The following KHDRBS3 variants were observed in gnomAD, a reference collection of about 807,000 sequenced individuals.
KHDRBS3 encodes the protein KH domain-containing, RNA-binding, signal transduction-associated protein 3.
Under a neutral mutation model 45.6 loss-of-function variants are expected in KHDRBS3, and 23 were observed. That is an observed-to-expected ratio of 0.50 (90% CI 0.36 to 0.72). The LOEUF is 0.72. Ranked by LOEUF, KHDRBS3 falls within the 30% of genes least tolerant of loss-of-function variation. The pLI, the probability that KHDRBS3 is intolerant of heterozygous loss-of-function variation, is 0.00. For missense variants in KHDRBS3, 352 were observed against 424.8 expected (o/e 0.83, Z 1.51); for synonymous variants, 162 against 156.5 (o/e 1.04, Z -0.26).
At chr8:135,587,284 T>G (rs1828523471) in intron 6 of KHDRBS3, among the ~76,000 whole-genome samples, 1 of 152,212 alleles carries the variant, frequency 6.6e-6, no homozygotes, top group South Asian at 2.1e-4. Flanking sequence ...GAACATCTGT[T>G]AGCAAATACA....
intron 4 of KHDRBS3, among the ~76,000 whole-genome samples, chr8:135,551,307 G>A (rs1412988454): frequency 6.6e-6 from 1 of 151,992 alleles, no homozygotes; most frequent in Non-Finnish European, 1.5e-5. Flanking sequence ...ACACTGACTA[G>A]AACCGTGAAT....
chr8:135,608,666 G>A (rs559187650), intron 7 of KHDRBS3, among the ~76,000 whole-genome samples: 5 of 152,282 alleles, frequency 3.3e-5, no homozygotes, highest in Admixed American at 3.3e-4. Flanking sequence ...TATCTGTTAT[G>A]GGATGTATAT....
intron 2 of KHDRBS3, among the ~76,000 whole-genome samples, chr8:135,527,681 G>C (rs987522111): frequency 6.6e-6 from 1 of 152,210 alleles, no homozygotes; most frequent in Admixed American, 6.5e-5. Context: ...ATTTTAAAAA[G>C]TGAGTTGTAA....
chr8:135,540,596 A>G (rs79730020), intron 2 of KHDRBS3: 8,800 of 152,324 alleles, frequency 0.058, 330 homozygotes, highest in African/African-American at 0.1. Context: ...ACTGAAAATG[A>G]GGGAATTGTT....
chr8:135,650,960 T>C (rs1422102662), downstream of KHDRBS3, among the ~76,000 whole-genome samples: 1 of 152,146 alleles, frequency 6.6e-6, no homozygotes, highest in Admixed American at 6.5e-5. Context: ...AGGAAGACAG[T>C]GATTAAAGAC....
At chr8:135,653,731 T>C (rs1271554732) in intron 4 of KHDRBS3, among the ~76,000 whole-genome samples, 2 of 152,252 alleles carry the variant, frequency 1.3e-5, no homozygotes, top group Non-Finnish European at 2.9e-5. Flanking sequence ...CTATGATGTT[T>C]GGTAGGTTAA....
chr8:135,526,112 G>A (rs1198969223), intron 2 of KHDRBS3, among the ~76,000 whole-genome samples: 8 of 152,018 alleles, frequency 5.3e-5, no homozygotes, highest in Admixed American at 5.2e-4. Context: ...ATATAGCCTA[G>A]GTATACAGTA....
At chr8:135,523,725 TTA>T (rs1253597085) in intron 2 of KHDRBS3, among the ~76,000 whole-genome samples, 1 of 152,160 alleles carries the variant, frequency 6.6e-6, no homozygotes, top group African/African-American at 2.4e-5. Context: ...ACAATATTAG[TTA>T]CAGGTTTTTT....
intron 6 of KHDRBS3, among the ~76,000 whole-genome samples, chr8:135,597,823 G>A (rs1352429006): frequency 6.6e-6 from 1 of 152,112 alleles, no homozygotes; most frequent in Admixed American, 6.5e-5. Context: ...TCCTATCTTT[G>A]TGGAATTTCT....
At chr8:135,615,232 T>C (rs1446723817) in intron 7 of KHDRBS3, among the ~76,000 whole-genome samples, 1 of 151,622 alleles carries the variant, frequency 6.6e-6, no homozygotes, top group East Asian at 1.9e-4. Flanking sequence ...GACTAAAGTT[T>C]AGCCAAGCAG....
At chr8:135,555,608 GTTTATA>G (rs1017216380) in intron 4 of KHDRBS3, among the ~76,000 whole-genome samples, 15 of 152,118 alleles carry the variant, frequency 9.9e-5, no homozygotes, top group African/African-American at 3.6e-4. Flanking sequence ...TTGTTTATTT[GTTTATA>G]TTTATATGGC....
Position 135,616,140 on chromosome 8 carries a change from T to G in KHDRBS3, c.890+9103T>G, listed in dbSNP as rs143154897. 6.6e-4 allele frequency among the ~76,000 whole-genome samples: 100 copies of G among 152,356 alleles called. 1 individual carries two copies. The East Asian group carries it at 0.018, about 28-fold the overall frequency. Reference sequence around the variant, plus strand: ...ATGTATCTAGGTGCTCTCATACATATTCTGTCATTTAATTCCTAAGAACTT... The same window carrying G: ...ATGTATCTAGGTGCTCTCATACATAGTCTGTCATTTAATTCCTAAGAACTT... On this transcript the variant is annotated intron_variant, in intron 7 of 8. Transcript: ENST00000355849.
At chr8:135,605,449 A>T (rs1051700120) in intron 6 of KHDRBS3, among the ~76,000 whole-genome samples, 1 of 152,086 alleles carries the variant, frequency 6.6e-6, no homozygotes, top group Non-Finnish European at 1.5e-5. Flanking sequence ...TTTAGTTATT[A>T]TACTTCGCAA....
chr8:135,532,607 T>C (rs1292183585), intron 2 of KHDRBS3, among the ~76,000 whole-genome samples: 1 of 152,130 alleles, frequency 6.6e-6, no homozygotes, highest in African/African-American at 2.4e-5. Flanking sequence ...TTCTAAGCAC[T>C]TTACTATTAA....
intron 7 of KHDRBS3, among the ~76,000 whole-genome samples, chr8:135,615,339 A>G (rs1829873484): frequency 6.7e-6 from 1 of 148,906 alleles, no homozygotes. Flanking sequence ...GTTATTATAT[A>G]TTGACCATCT....
chr8:135,512,433 G>GGT (rs909669146), intron 1 of KHDRBS3, among the ~76,000 whole-genome samples: 2 of 136,682 alleles, frequency 1.5e-5, no homozygotes, highest in South Asian at 5.3e-4. Flanking sequence ...AAAAGTCGGG[G>GGT]GGGGGGTAAT....
At chr8:135,589,619 G>C (rs1298926814) in intron 6 of KHDRBS3, among the ~76,000 whole-genome samples, 4 of 152,172 alleles carry the variant, frequency 2.6e-5, no homozygotes, top group African/African-American at 9.7e-5. Context: ...ACCTAATCAA[G>C]CATAGTTAGC....
chr8:135,630,786 A>G (rs1383087557), intron 7 of KHDRBS3, among the ~76,000 whole-genome samples: 1 of 152,150 alleles, frequency 6.6e-6, no homozygotes. Flanking sequence ...ATAAAAAAAG[A>G]TGGTACACCT....
chr8:135,593,606 T>C lies in KHDRBS3; in HGVS notation c.807+11533T>C, dbSNP rs373477842. The stretch of plus-strand genomic sequence containing the variant: ...GATCCTCCTGCCTCACCATTCTGAG[T>C]AGCTGGCACCACATGTGTGTGCCAC... On this transcript the variant is annotated intron_variant, in intron 6 of 8. Coordinates refer to ENST00000355849, the MANE Select transcript of KHDRBS3 (RefSeq NM_006558.3). 2.7e-4 allele frequency among the ~76,000 whole-genome samples: 41 copies of C among 152,204 alleles called. No homozygotes were observed. The East Asian group carries it at 6.2e-3, about 23-fold the overall frequency.
Sources: gnomAD v4.1 joint callset for allele counts (sites outside exome capture counted in the v4.1 genomes callset) on GRCh38, gnomAD v4.1.1 for gene constraint, MANE v1.5 for transcripts, NCBI Gene and HGNC (gene_info 2026-07-23, HGNC 2026-07-21) for gene names.